The following CLDN10 variants were observed in gnomAD, a reference collection of about 807,000 sequenced individuals.
CLDN10 encodes the protein claudin 10.
A neutral mutation model predicts 22.9 loss-of-function variants in CLDN10; 15 were observed. That is an observed-to-expected ratio of 0.65 (90% CI 0.44 to 1.01). The LOEUF (loss-of-function observed/expected upper bound fraction) is 1.01, where lower values mean the gene tolerates loss of function less well. Ranked by LOEUF, CLDN10 falls within the 50% of genes least tolerant of loss-of-function variation. The pLI, the probability that CLDN10 is intolerant of heterozygous loss-of-function variation, is 0.00. For missense variants in CLDN10, 247 were observed against 287.8 expected, an observed-to-expected ratio of 0.86 and a Z score of 1.03; for synonymous variants, 114 against 111.4, an observed-to-expected ratio of 1.02 and a Z score of -0.15.
At chr13:95,482,353 C>G (rs976915255) in intron 1 of CLDN10, among the ~76,000 whole-genome samples, 9 of 152,174 alleles carry the variant, frequency 5.9e-5, no homozygotes, top group Non-Finnish European at 1.0e-4. Context: ...GACCCCTTCT[C>G]TAATATATAT....
chr13:95,527,555 C>T (rs541138745), intron 1 of CLDN10, among the ~76,000 whole-genome samples: 84 of 144,876 alleles, frequency 5.8e-4, no homozygotes, highest in African/African-American at 2.1e-3. Flanking sequence ...CATGGTGGAA[C>T]CTCAAGTCTA....
chr13:95,575,718 G>T (rs896712688), intron 3 of CLDN10, among the ~76,000 whole-genome samples: 1 of 152,280 alleles, frequency 6.6e-6, no homozygotes, highest in East Asian at 1.9e-4. Flanking sequence ...CAGGGCAGGA[G>T]GGGCTTCCCC....
intron 1 of CLDN10, among the ~76,000 whole-genome samples, chr13:95,448,573 C>T (rs1397811910): frequency 1.3e-5 from 2 of 152,124 alleles, no homozygotes; most frequent in Non-Finnish European, 2.9e-5. Context: ...GCTGCTTACC[C>T]ACACCATGCT....
At chr13:95,486,029 A>C (rs556996861) in intron 1 of CLDN10, among the ~76,000 whole-genome samples, 112 of 152,324 alleles carry the variant, frequency 7.4e-4, no homozygotes, top group African/African-American at 2.5e-3. Flanking sequence ...TATAAAACCC[A>C]GAGTGGAGTG....
At chr13:95,531,648 CCCTCT>C (rs1401574153) in intron 1 of CLDN10, among the ~76,000 whole-genome samples, 1 of 151,800 alleles carries the variant, frequency 6.6e-6, no homozygotes, top group Admixed American at 6.6e-5. Context: ...CTTCTACCTC[CCCTCT>C]CAAGTAACTG....
intron 1 of CLDN10, among the ~76,000 whole-genome samples, chr13:95,483,837 C>T (rs2042775712): frequency 6.6e-6 from 1 of 152,182 alleles, no homozygotes; most frequent in Non-Finnish European, 1.5e-5. Flanking sequence ...CCCTCCAAAA[C>T]TCGTATGTTA....
At chr13:95,484,731 T>G (rs1265076545) in intron 1 of CLDN10, among the ~76,000 whole-genome samples, 4 of 147,808 alleles carry the variant, frequency 2.7e-5, no homozygotes, top group African/African-American at 7.4e-5. Flanking sequence ...CCAGGTGTGG[T>G]GGCAAGCACC....
intron 3 of CLDN10, among the ~76,000 whole-genome samples, chr13:95,570,651 T>C (rs2043841820): frequency 6.6e-6 from 1 of 151,928 alleles, no homozygotes; most frequent in Non-Finnish European, 1.5e-5. Context: ...CTTACTCTAC[T>C]GTTATATTAG....
At chr13:95,515,400 A>G (rs1202865957) in intron 1 of CLDN10, among the ~76,000 whole-genome samples, 5 of 152,112 alleles carry the variant, frequency 3.3e-5, no homozygotes, top group Non-Finnish European at 7.4e-5. Context: ...GGGTTTTGCC[A>G]TGTTGGCCAG....
chr13:95,499,429 C>A (rs949560065), intron 1 of CLDN10, among the ~76,000 whole-genome samples: 6 of 152,180 alleles, frequency 3.9e-5, no homozygotes, highest in African/African-American at 1.4e-4. Context: ...GTAATCGCAG[C>A]TACTTGGGAG....
intron 1 of CLDN10, among the ~76,000 whole-genome samples, chr13:95,540,066 G>A (rs946205786): frequency 2.0e-5 from 3 of 152,016 alleles, no homozygotes; most frequent in African/African-American, 4.8e-5. Flanking sequence ...TTGGGAGGCC[G>A]AGGTGGGTGG....
intron 1 of CLDN10, among the ~76,000 whole-genome samples, chr13:95,504,121 G>A (rs551422216): frequency 2.6e-5 from 4 of 152,242 alleles, no homozygotes; most frequent in Admixed American, 1.3e-4. Context: ...AGAGATTGTC[G>A]ATAAAGCCAG....
At chr13:95,525,649 G>A (rs146128664) in intron 1 of CLDN10, among the ~76,000 whole-genome samples, 1,616 of 151,774 alleles carry the variant, frequency 0.011, 27 homozygotes, top group African/African-American at 0.036. Flanking sequence ...GCACCACCGC[G>A]CCCAGCTGAT....
At chr13:95,545,184 T>G (rs1396446966) in intron 1 of CLDN10, among the ~76,000 whole-genome samples, 1 of 152,188 alleles carries the variant, frequency 6.6e-6, no homozygotes, top group African/African-American at 2.4e-5. Context: ...ATTGATAACA[T>G]GCAAAATGTT....
In CLDN10 at chr13:95,552,801, A is replaced by G. The variant is rs757992913; in HGVS notation, c.48A>G (p.Ser16=). 1 of 1,613,864 alleles carries G rather than the reference A, an allele frequency of 6.2e-7. No individual in the cohort carries two copies. Among genetic ancestry groups the G allele is most frequent in the South Asian group, 1.1e-5 (1 of 91,080 alleles). Residue 16 remains serine (S), a synonymous_variant, in exon 1 of 5, where the codon TCA becomes TCG. Transcript: ENST00000299339. ...SEIIAFMVSI[S]GWVLVSSTLP... is the part of the protein sequence containing the mutation. ...TCATCGCCTTCATGGTCTCCATCTC[A>G]GGCTGGGTACTGGTGTCCTCCACGC... is the stretch of plus-strand genomic sequence containing the variant.
chr13:95,463,636 A>C (rs1293957195), intron 1 of CLDN10, among the ~76,000 whole-genome samples: 1 of 151,912 alleles, frequency 6.6e-6, no homozygotes, highest in Non-Finnish European at 1.5e-5. Context: ...CCTGGCCTTA[A>C]CTATACTTTA....
chr13:95,456,256 T>A (rs1410116684), intron 1 of CLDN10, among the ~76,000 whole-genome samples: 1 of 152,194 alleles, frequency 6.6e-6, no homozygotes, highest in Non-Finnish European at 1.5e-5. Flanking sequence ...ACTCCCTGTC[T>A]TTACTTTCAC....
chr13:95,542,612 G>A (rs939217612), intron 1 of CLDN10, among the ~76,000 whole-genome samples: 1 of 152,136 alleles, frequency 6.6e-6, no homozygotes, highest in Non-Finnish European at 1.5e-5. Context: ...TTCAAGACCA[G>A]CCTGGCCAAC....
At chr13:95,486,009 C>T (rs946752057) in intron 1 of CLDN10, among the ~76,000 whole-genome samples, 2 of 152,150 alleles carry the variant, frequency 1.3e-5, no homozygotes, top group East Asian at 1.9e-4. Context: ...ATCCCAGTTT[C>T]CCCCCAGGGT....
Sources: allele counts gnomAD v4.1 joint callset (sites outside exome capture counted in the v4.1 genomes callset), GRCh38; gene constraint gnomAD v4.1.1; transcripts MANE v1.5; gene names NCBI Gene and HGNC (gene_info 2026-07-23, HGNC 2026-07-21).